Variants in WDR49 observed in about 807,000 individuals in gnomAD.
WDR49 encodes the protein WD repeat domain 49.
Under a neutral mutation model 119.5 loss-of-function variants are expected in WDR49, and 107 were observed. The observed-to-expected ratio is 0.90, with a 90% CI of 0.77 to 1.05. The LOEUF (loss-of-function observed/expected upper bound fraction) is 1.05. WDR49 is among the 50% of genes least tolerant of loss of function. The probability of loss-of-function intolerance (pLI) is 0.00; values close to 1 mark genes in which losing one functional copy is unlikely to be tolerated. For synonymous variants in WDR49, 425 were observed against 418.8 expected (o/e 1.01, Z -0.18); for missense variants, 1,240 against 1,220.5 (o/e 1.02, Z -0.24).
chr3:167,494,101 T>G (rs1255862245), intron 18 of WDR49, among the ~76,000 whole-genome samples: 1 of 152,210 alleles, frequency 6.6e-6, no homozygotes, highest in Non-Finnish European at 1.5e-5. Flanking sequence ...GAATGGTTAG[T>G]GTGCTAGCTA....
In WDR49 at chr3:167,602,268, A is replaced by G; in HGVS notation, c.1134T>C (p.Ala378=). 1 of 1,571,900 alleles carries G rather than the reference A, an allele frequency of 6.4e-7. No individual in the cohort carries two copies. The highest frequency in any genetic ancestry group is 8.7e-7 in the Non-Finnish European group (1 of 1,152,224). The change falls in exon 7 of 19, where the codon GCT becomes GCC. Residue 378 remains alanine, a synonymous_variant. Transcript: ENST00000682715. ...AAAGGCAAACTTTATTGTTAATGCC[A>G]GCAGTTGCTAATCAGAATTAGAAAG... is the stretch of plus-strand genomic sequence containing the variant. ...YHSRLNLIAT[A]GINNKVCLWN... is the part of the protein sequence containing the mutation.
chr3:167,601,582 C>T (rs1417989302), intron 7 of WDR49, among the ~76,000 whole-genome samples: 8 of 152,024 alleles, frequency 5.3e-5, no homozygotes. Flanking sequence ...AGGATTCAAC[C>T]TGGACTCTAC....
intron 3 of WDR49, among the ~76,000 whole-genome samples, chr3:167,624,016 T>C (rs1716995910): frequency 1.3e-5 from 2 of 151,876 alleles, no homozygotes; most frequent in Non-Finnish European, 2.9e-5. Context: ...CCAGAATACA[T>C]ATAAAAACTC....
intron 3 of WDR49, among the ~76,000 whole-genome samples, chr3:167,624,912 T>A (rs993431214): frequency 2.6e-5 from 4 of 152,086 alleles, no homozygotes; most frequent in African/African-American, 9.7e-5. Context: ...GACTGAAGCA[T>A]AGGCCTGAAG....
chr3:167,542,328 A>C (rs1248343838), intron 10 of WDR49, among the ~76,000 whole-genome samples: 1 of 152,144 alleles, frequency 6.6e-6, no homozygotes, highest in Non-Finnish European at 1.5e-5. Flanking sequence ...ACAACTGCAG[A>C]ATATACATCC....
intron 2 of WDR49, among the ~76,000 whole-genome samples, chr3:167,631,948 A>G (rs1161042913): frequency 6.6e-6 from 1 of 152,062 alleles, no homozygotes; most frequent in African/African-American, 2.4e-5. Flanking sequence ...ACCAGCCAGG[A>G]GTTAATTATT....
At chr3:167,623,985 C>A (rs1716993009) in intron 3 of WDR49, among the ~76,000 whole-genome samples, 1 of 151,942 alleles carries the variant, frequency 6.6e-6, no homozygotes, top group East Asian at 1.9e-4. Context: ...TACAAAGTAT[C>A]CATCTGATAA....
intron 16 of WDR49, among the ~76,000 whole-genome samples, chr3:167,512,351 A>ACTG (rs1752008888): frequency 6.6e-6 from 1 of 152,142 alleles, no homozygotes. Context: ...CCCCCAGCAA[A>ACTG]CTGCAGAAGA....
chr3:167,534,926 C>T (rs967501390), intron 11 of WDR49, among the ~76,000 whole-genome samples: 2 of 152,130 alleles, frequency 1.3e-5, no homozygotes, highest in Non-Finnish European at 2.9e-5. Flanking sequence ...GTGCCACCAA[C>T]GTGTGATTCG....
chr3:167,587,760 A>G (rs1714893960), intron 7 of WDR49, among the ~76,000 whole-genome samples: 2 of 152,144 alleles, frequency 1.3e-5, no homozygotes, highest in South Asian at 4.1e-4. Flanking sequence ...TTGGTATTAC[A>G]AGCGTGAGGC....
intron 18 of WDR49, among the ~76,000 whole-genome samples, chr3:167,485,205 G>A (rs1750875278): frequency 6.6e-6 from 1 of 151,954 alleles, no homozygotes; most frequent in Non-Finnish European, 1.5e-5. Flanking sequence ...TGGTTGGGGG[G>A]AAGGGGAGGG....
rs75866979 is a variant in WDR49, at chr3:167,587,777, C to T, written c.1276-11626G>A. 7.2e-5 allele frequency among the ~76,000 whole-genome samples: 11 copies of T among 152,086 alleles called. 1 individual carries two copies. The highest frequency in any genetic ancestry group is 7.2e-5 in the African/African-American group (3 of 41,414). ...GGTATTACAAGCGTGAGGCACCACA[C>T]GAGCCCTCTTTTTCATTTTTTCTAA... On this transcript the variant is annotated intron_variant, in intron 7 of 18. Transcript: ENST00000682715.
intron 7 of WDR49, among the ~76,000 whole-genome samples, chr3:167,578,947 A>T (rs1374278900): frequency 6.6e-6 from 1 of 152,132 alleles, no homozygotes; most frequent in East Asian, 1.9e-4. Context: ...TAGAGTTTCA[A>T]GTGACAATAT....
intron 10 of WDR49, among the ~76,000 whole-genome samples, chr3:167,550,441 A>G (rs1053169395): frequency 1.3e-5 from 2 of 151,994 alleles, no homozygotes; most frequent in African/African-American, 2.4e-5. Flanking sequence ...TAGGTATTTT[A>G]TTCTCTTTGA....
At chr3:167,502,172 G>A (rs573110517) in intron 17 of WDR49, among the ~76,000 whole-genome samples, 18 of 152,252 alleles carry the variant, frequency 1.2e-4, no homozygotes, top group Non-Finnish European at 2.4e-4. Flanking sequence ...CTCACCATGT[G>A]ATGTTGCCTG....
intron 9 of WDR49, 103 bp downstream of exon 9, chr3:167,559,961 C>A: frequency 7.8e-7 from 1 of 1,277,036 alleles, no homozygotes; most frequent in Non-Finnish European, 1.1e-6. Context: ...TCTCTTCTTG[C>A]AATACCAAAA....
At chr3:167,501,426 G>T (rs576682669) in intron 17 of WDR49, among the ~76,000 whole-genome samples, 18 of 152,222 alleles carry the variant, frequency 1.2e-4, no homozygotes, top group African/African-American at 4.1e-4. Context: ...TGTATTGGTT[G>T]CTATAATATG....
At chr3:167,574,956 A>T (rs1243693551) in intron 8 of WDR49, 1 of 623,984 alleles carries the variant, frequency 1.6e-6, no homozygotes, top group East Asian at 1.4e-4. Context: ...GAATAACCAG[A>T]AAACAGTGTT....
chr3:167,566,752 C>G, intron 8 of WDR49: 1 of 540,156 alleles, frequency 1.9e-6, no homozygotes, highest in African/African-American at 1.9e-5. Context: ...TTACTACATA[C>G]TGTATTCTTA....
Sources: allele counts gnomAD v4.1 joint callset (sites outside exome capture counted in the v4.1 genomes callset), GRCh38; gene constraint gnomAD v4.1.1; transcripts MANE v1.5; gene names NCBI Gene and HGNC (gene_info 2026-07-23, HGNC 2026-07-21).